The following BLTP1 variants were observed in gnomAD, a reference collection of about 807,000 sequenced individuals.
The protein encoded by BLTP1 is fragile site-associated protein.
chr4:122,347,811 T>C, the BLTP1 span: 7 of 1,504,478 alleles, frequency 4.7e-6, no homozygotes, highest in African/African-American at 2.8e-5. Context: ...TCAGTAGCCC[T>C]ACAGTGTTCT....
the BLTP1 span, among the ~76,000 whole-genome samples, chr4:122,211,383 G>A: frequency 6.6e-6 from 1 of 151,050 alleles, no homozygotes; most frequent in Non-Finnish European, 1.5e-5. Context: ...GTAAGCTAGA[G>A]GGATAGCTAG....
At chr4:122,211,011 T>A in the BLTP1 span, 1 of 1,613,532 alleles carries the variant, frequency 6.2e-7, no homozygotes, top group Non-Finnish European at 8.5e-7. Context: ...TTCCACCTGA[T>A]AAACTTCATG....
At chr4:122,351,690 T>C in the BLTP1 span, among the ~76,000 whole-genome samples, 1 of 152,320 alleles carries the variant, frequency 6.6e-6, no homozygotes, top group South Asian at 2.1e-4. Flanking sequence ...GTGGTGTCAT[T>C]TATGTTTTTC....
At chr4:122,218,469 A>G in the BLTP1 span, among the ~76,000 whole-genome samples, 2 of 152,178 alleles carry the variant, frequency 1.3e-5, no homozygotes, top group Non-Finnish European at 2.9e-5. Context: ...TAACTGTATG[A>G]CTTTAAGCCC....
the BLTP1 span, chr4:122,334,695 T>G: frequency 2.8e-6 from 2 of 715,604 alleles, no homozygotes; most frequent in Non-Finnish European, 4.4e-6. Flanking sequence ...TATATGGAAG[T>G]GTGGGCCAAC....
At chr4:122,266,719 A>G in the BLTP1 span, 6 of 1,393,118 alleles carry the variant, frequency 4.3e-6, no homozygotes, top group East Asian at 2.5e-5. Context: ...ATTTTCCTAC[A>G]TGTAATTTCT....
At chr4:122,161,137 T>G in the BLTP1 span, 1 of 984,502 alleles carries the variant, frequency 1.0e-6, no homozygotes, top group South Asian at 4.7e-5. Context: ...TGGTTTATTT[T>G]CCAGCCCTTA....
chr4:122,301,645 G>T, the BLTP1 span, among the ~76,000 whole-genome samples: 2 of 151,964 alleles, frequency 1.3e-5, no homozygotes, highest in East Asian at 3.8e-4. Context: ...TTCCATATTA[G>T]AATATTTAGA....
the BLTP1 span, chr4:122,183,438 G>GT: frequency 1.0e-6 from 1 of 983,896 alleles, no homozygotes; most frequent in Non-Finnish European, 1.2e-6. Flanking sequence ...AAAGTGGTCA[G>GT]TGTCATTAGG....
At chr4:122,263,417 A>G in the BLTP1 span, 15 of 1,561,668 alleles carry the variant, frequency 9.6e-6, no homozygotes, top group Non-Finnish European at 1.1e-5. Context: ...AAATAATATT[A>G]TACTCAGAAA....
the BLTP1 span, among the ~76,000 whole-genome samples, chr4:122,233,756 C>G: frequency 6.6e-6 from 1 of 152,072 alleles, no homozygotes; most frequent in Non-Finnish European, 1.5e-5. Flanking sequence ...TCCCTATTTT[C>G]TTTGTCACAA....
chr4:122,209,051 C>G, the BLTP1 span: 10 of 1,082,786 alleles, frequency 9.2e-6, no homozygotes, highest in African/African-American at 1.7e-5. Flanking sequence ...TGTTAATTTT[C>G]TTTCAAACTT....
the BLTP1 span, chr4:122,224,912 T>A: frequency 1.5e-6 from 2 of 1,318,192 alleles, no homozygotes; most frequent in Non-Finnish European, 9.7e-7. Flanking sequence ...CTATATAATA[T>A]TTCAAAGAAT....
At chr4:122,212,023 C>T in the BLTP1 span, 126 of 979,716 alleles carry the variant, frequency 1.3e-4, no homozygotes, top group Non-Finnish European at 1.5e-4. Context: ...CTTTGGATAT[C>T]GAATACCTAG....
the BLTP1 span, chr4:122,210,078 G>T: frequency 1.1e-6 from 1 of 917,194 alleles, no homozygotes; most frequent in Non-Finnish European, 1.3e-6. Flanking sequence ...GCTACCTTTT[G>T]AGCATTTACT....
chr4:122,253,875 A>G, the BLTP1 span, among the ~76,000 whole-genome samples: 1 of 152,166 alleles, frequency 6.6e-6, no homozygotes, highest in Non-Finnish European at 1.5e-5. Flanking sequence ...AAGATCAAGC[A>G]TAAAGAAAGG....
chr4:122,254,234 C>T, the BLTP1 span: 4 of 1,612,088 alleles, frequency 2.5e-6, no homozygotes, highest in Admixed American at 1.7e-5. Flanking sequence ...AAAAGATCTA[C>T]CTCTGATGCC....
At chr4:122,296,709 A>G in the BLTP1 span, among the ~76,000 whole-genome samples, 2 of 152,206 alleles carry the variant, frequency 1.3e-5, no homozygotes, top group African/African-American at 4.8e-5. Flanking sequence ...GTACTGGTAC[A>G]AAAACAGACA....
the BLTP1 span, among the ~76,000 whole-genome samples, chr4:122,324,189 T>G: frequency 6.6e-6 from 1 of 151,988 alleles, no homozygotes; most frequent in Non-Finnish European, 1.5e-5. Context: ...CCCCAAACTT[T>G]CTCTTTTCTT....
Sources: gnomAD v4.1 joint callset for allele counts (sites outside exome capture counted in the v4.1 genomes callset) on GRCh38, gnomAD v4.1.1 for gene constraint, MANE v1.5 for transcripts, NCBI Gene and HGNC (gene_info 2026-07-23, HGNC 2026-07-21) for gene names.